Variants in GNA12 observed in about 807,000 individuals in gnomAD.
GNA12 encodes the protein G protein subunit alpha 12.
In GNA12, 9 loss-of-function variants were observed where a neutral mutation model predicts 26.0. The observed-to-expected ratio is 0.35, with a 90% CI of 0.21 to 0.60. The LOEUF is 0.60. Among genes scored for constraint, GNA12 ranks in the 20% least tolerant of loss-of-function variants. GNA12 has a pLI of 0.78. For missense variants in GNA12, 405 were observed against 525.8 expected (o/e 0.77, Z 2.25); for synonymous variants, 264 against 219.6 (o/e 1.20, Z -1.79).
At chr7:2,831,340 C>G (rs77076936) in intron 1 of GNA12, among the ~76,000 whole-genome samples, 403 of 152,036 alleles carry the variant, frequency 2.7e-3, no homozygotes, top group African/African-American at 9.2e-3. Context: ...ATCAAGTCAT[C>G]AGAACCTTAG....
chr7:2,822,952 T>C (rs1012990582), intron 1 of GNA12, among the ~76,000 whole-genome samples: 11 of 152,312 alleles, frequency 7.2e-5, no homozygotes, highest in African/African-American at 2.6e-4. Flanking sequence ...TCACTATCAG[T>C]CCTCTGCCCA....
In GNA12 at chr7:2,760,771, C is replaced by T. The variant is rs369293505; in HGVS notation, c.526-27270G>A. On this transcript the variant is annotated intron_variant, in intron 2 of 3. Coordinates refer to ENST00000275364, the MANE Select transcript of GNA12 (RefSeq NM_007353.3). ...CTAATCTTTCCTCTAGGGACAGCGT[C>T]GAGCTCCCTACTGCTGGACCGTCCC... Among the ~76,000 whole-genome samples the T allele has an allele frequency of 3.3e-5, 5 of 152,244 alleles. No homozygotes were observed. In the East Asian group the frequency reaches 5.8e-4, roughly 18 times the overall value.
intron 1 of GNA12, among the ~76,000 whole-genome samples, chr7:2,823,286 G>A (rs535270087): frequency 7.2e-5 from 11 of 152,210 alleles, no homozygotes; most frequent in African/African-American, 2.2e-4. Context: ...AGAGACAAGA[G>A]GGAACTATTT....
intron 1 of GNA12, among the ~76,000 whole-genome samples, chr7:2,819,306 A>G (rs904358715): frequency 6.6e-6 from 1 of 152,176 alleles, no homozygotes; most frequent in Admixed American, 6.5e-5. Flanking sequence ...AGCCTCCAAA[A>G]AGGAACACAG....
At chr7:2,837,840 T>TAA (rs34262163) in intron 1 of GNA12, among the ~76,000 whole-genome samples, 10 of 140,328 alleles carry the variant, frequency 7.1e-5, no homozygotes, top group African/African-American at 2.6e-4. Context: ...GAATAGGTAA[T>TAA]AAAAAAAAAA....
At position 2,812,428 on chromosome 7, in the gene GNA12, G is replaced by A. The variant is rs554876768; in HGVS notation, c.310-17285C>T. Among the ~76,000 whole-genome samples, 8 of 152,286 alleles carry A rather than the reference G, an allele frequency of 5.3e-5. 1 individual carries two copies. In the South Asian group the frequency reaches 1.7e-3, roughly 32 times the overall value. On this transcript the variant is annotated intron_variant, in intron 1 of 3. Coordinates refer to ENST00000275364, the MANE Select transcript of GNA12 (RefSeq NM_007353.3). ...GCGGACCACTTGAGGTCAGGAGTTT[G>A]AGACCAGCCTGACCAACATGATTAA...
chr7:2,729,305 C>G lies in GNA12; in HGVS notation c.*1876G>C, dbSNP rs1789765778. ...CACTGTTGCAGACTGCAAATGGGAC[C>G]TGAGACCACCCCGAGGGCCCCACCA... On this transcript the variant is annotated 3_prime_UTR_variant, in exon 4 of 4. Transcript: ENST00000275364. 6.6e-6 allele frequency: 1 copy of G among 152,410 alleles called. No individual in the cohort carries two copies. Among genetic ancestry groups the G allele is most frequent in the Non-Finnish European group, 1.5e-5 (1 of 68,086 alleles). The allele number at this position is 152,410 out of a possible 1,614,324, so 9.4% of individuals were successfully genotyped here.
At chr7:2,806,150 A>ATTG (rs1314217040) in intron 1 of GNA12, among the ~76,000 whole-genome samples, 1 of 152,208 alleles carries the variant, frequency 6.6e-6, no homozygotes, top group East Asian at 1.9e-4. Context: ...TCGATTTGCT[A>ATTG]TTGGACAGCA....
intron 1 of GNA12, among the ~76,000 whole-genome samples, chr7:2,818,606 T>C (rs2527694): frequency 0.4 from 61,285 of 151,754 alleles, 12,643 homozygotes; most frequent in Admixed American, 0.46. Context: ...CTAATAAAAA[T>C]ACAAACAATA....
intron 2 of GNA12, among the ~76,000 whole-genome samples, chr7:2,755,364 A>G (rs1469104069): frequency 6.6e-6 from 1 of 152,274 alleles, no homozygotes; most frequent in Non-Finnish European, 1.5e-5. Flanking sequence ...ACATCTTGAC[A>G]GCACTGAGTT....
At chr7:2,835,391 C>A (rs938453435) in intron 1 of GNA12, among the ~76,000 whole-genome samples, 1 of 152,212 alleles carries the variant, frequency 6.6e-6, no homozygotes, top group African/African-American at 2.4e-5. Context: ...CCCACACCCC[C>A]ATTGATGTTG....
chr7:2,803,650 G>A (rs913614599), intron 1 of GNA12, among the ~76,000 whole-genome samples: 1 of 152,190 alleles, frequency 6.6e-6, no homozygotes, highest in Non-Finnish European at 1.5e-5. Flanking sequence ...ATTTAGTTCA[G>A]TTGGACAGTG....
At chr7:2,831,231 C>T (rs1793598542) in intron 1 of GNA12, among the ~76,000 whole-genome samples, 1 of 151,850 alleles carries the variant, frequency 6.6e-6, no homozygotes, top group Non-Finnish European at 1.5e-5. Context: ...GACCGGTTTT[C>T]TATTTCTCAA....
chr7:2,844,063 C>A lies in GNA12; in HGVS notation c.99G>T (p.Glu33Asp). The change falls in exon 1 of 4, where the codon GAG (glutamate) becomes GAT (aspartate). Residue 33 changes from glutamate to aspartate, a missense_variant. Physicochemically the swap from Glu to Asp is conservative, Grantham distance 45 (BLOSUM62 2). Coordinates refer to ENST00000275364, the MANE Select transcript of GNA12 (RefSeq NM_007353.3). ...CGCGGCTACGCCTCCGGGCCTCGCG[C>A]TCCGCGTCGCGCGCGCCGCTGCCCG... ...RRAGSGARDA[E>D]REARRRSRDI... is the part of the protein sequence containing the mutation. 1.0e-5 allele frequency: 12 copies of A among 1,153,912 alleles called. No homozygotes were observed. The highest frequency in any genetic ancestry group is 1.3e-5 in the Non-Finnish European group (12 of 939,220). The allele number at this position is 1,153,912 out of a possible 1,614,324, so 71.5% of individuals were successfully genotyped here. A position where few individuals can be genotyped will look rare whatever the true frequency, so the allele number is the denominator to read the frequency against.
chr7:2,752,146 A>C (rs368161375), intron 2 of GNA12, among the ~76,000 whole-genome samples: 6 of 152,218 alleles, frequency 3.9e-5, no homozygotes, highest in East Asian at 3.8e-4. Flanking sequence ...TCAATAGAAG[A>C]CAGCCACTAT....
At chr7:2,813,700 G>A (rs139818411) in intron 1 of GNA12, among the ~76,000 whole-genome samples, 4 of 152,236 alleles carry the variant, frequency 2.6e-5, no homozygotes, top group Non-Finnish European at 4.4e-5. Context: ...GCAGGAAACA[G>A]CGTATTCGTT....
chr7:2,777,688 G>A (rs559061268), intron 2 of GNA12, among the ~76,000 whole-genome samples: 13 of 152,250 alleles, frequency 8.5e-5, no homozygotes, highest in East Asian at 5.8e-4. Flanking sequence ...GAACCCCACC[G>A]GCCAGCACCT....
At position 2,843,842 on chromosome 7, in the gene GNA12, G is replaced by T; in HGVS notation, c.309+11C>A. 2.1e-6 allele frequency: 3 copies of T among 1,446,630 alleles called. No individual in the cohort carries two copies. The highest frequency in any genetic ancestry group is 2.8e-6 in the Non-Finnish European group (3 of 1,081,660). The allele number at this position is 1,446,630 out of a possible 1,614,324, so 89.6% of individuals were successfully genotyped here. A position where few individuals can be genotyped will look rare whatever the true frequency, so the allele number is the denominator to read the frequency against. ...CCTGGGTGCAGGTGCTGGGCGGGGG[G>T]CGCGCGTCACCTTGAGGATGTTGTC... On this transcript the variant is annotated intron_variant, in intron 1 of 3. Coordinates refer to ENST00000275364, the MANE Select transcript of GNA12 (RefSeq NM_007353.3).
intron 2 of GNA12, among the ~76,000 whole-genome samples, chr7:2,760,992 T>G (rs562234216): frequency 6.6e-6 from 1 of 152,334 alleles, no homozygotes; most frequent in East Asian, 1.9e-4. Context: ...CTCTCAGTCC[T>G]CACAGTTCAT....
Sources: gnomAD v4.1 joint callset for allele counts (sites outside exome capture counted in the v4.1 genomes callset) on GRCh38, gnomAD v4.1.1 for gene constraint, MANE v1.5 for transcripts, NCBI Gene and HGNC (gene_info 2026-07-23, HGNC 2026-07-21) for gene names.